The following SLC13A3 variants were observed in gnomAD, a reference collection of about 807,000 sequenced individuals.
SLC13A3 encodes the protein Na(+)/dicarboxylate cotransporter 3.
In SLC13A3, 40 loss-of-function variants were observed where a neutral mutation model predicts 59.0. The ratio of observed to expected loss-of-function variants is 0.68; its 90% CI spans 0.53 to 0.88. SLC13A3 has a LOEUF of 0.88. Ranked by LOEUF, SLC13A3 falls within the 40% of genes least tolerant of loss-of-function variation. The pLI is 0.00. For synonymous variants in SLC13A3, 317 were observed against 330.3 expected, an observed-to-expected ratio of 0.96 and a Z score of 0.44; for missense variants, 699 against 783.2, an observed-to-expected ratio of 0.89 and a Z score of 1.28.
chr20:46,632,990 C>G (rs1453422248), intron 1 of SLC13A3, among the ~76,000 whole-genome samples: 3 of 151,640 alleles, frequency 2.0e-5, no homozygotes, highest in Non-Finnish European at 2.9e-5. Context: ...TATCATCTAT[C>G]TATCTATCAT....
At chr20:46,572,877 C>T (rs2062042501) in intron 10 of SLC13A3, among the ~76,000 whole-genome samples, 2 of 152,126 alleles carry the variant, frequency 1.3e-5, no homozygotes, top group Admixed American at 6.5e-5. Context: ...CTGGTTCCAT[C>T]GTACTGCAAG....
chr20:46,611,591 T>G (rs529190549), intron 2 of SLC13A3, among the ~76,000 whole-genome samples: 10 of 152,310 alleles, frequency 6.6e-5, no homozygotes, highest in African/African-American at 2.2e-4. Context: ...GAACCTTCTT[T>G]TCCTACGCCC....
At chr20:46,643,687 A>C (rs1029097327) in intron 1 of SLC13A3, among the ~76,000 whole-genome samples, 1 of 152,020 alleles carries the variant, frequency 6.6e-6, no homozygotes, top group African/African-American at 2.4e-5. Context: ...TTGACCTCTG[A>C]CCCCCCTCAC....
chr20:46,574,957 A>AC (rs1251334413), intron 10 of SLC13A3, among the ~76,000 whole-genome samples: 1 of 149,260 alleles, frequency 6.7e-6, no homozygotes, highest in African/African-American at 2.5e-5. Flanking sequence ...AATTTTTTTA[A>AC]CCCCATCTCT....
At chr20:46,657,472 T>G (rs561759073) in intron 1 of SLC13A3, among the ~76,000 whole-genome samples, 1 of 152,302 alleles carries the variant, frequency 6.6e-6, no homozygotes, top group East Asian at 1.9e-4. Flanking sequence ...TTACGAGATT[T>G]TGGCTCTTAT....
rs6011986 is a variant in SLC13A3, at chr20:46,563,615, G to A, written c.1495-64C>T. ...CAACGCAGAGCGACCACAGCAAGAGGGAGAGAGAGAGAGAGAGGCAGTTGG... is the reference window on the plus strand; with the variant it reads ...CAACGCAGAGCGACCACAGCAAGAGAGAGAGAGAGAGAGAGAGGCAGTTGG... On this transcript the variant is annotated intron_variant, in intron 11 of 12. Transcript: ENST00000279027. The A allele has an allele frequency of 9.7e-3, 13,834 of 1,422,376 alleles. 670 individuals carry two copies. The highest frequency in any genetic ancestry group is 0.019 in the African/African-American group (1,327 of 68,768). 88.1% of individuals were successfully genotyped at this position (1,422,376 alleles called of 1,614,324 possible).
chr20:46,616,018 T>C (rs924872228), intron 1 of SLC13A3, among the ~76,000 whole-genome samples: 2 of 152,188 alleles, frequency 1.3e-5, no homozygotes, highest in African/African-American at 4.8e-5. Context: ...CAACTTGGAA[T>C]GAATATCCCA....
chr20:46,579,118 T>A (rs1378734622), intron 9 of SLC13A3, among the ~76,000 whole-genome samples: 4 of 152,044 alleles, frequency 2.6e-5, no homozygotes, highest in African/African-American at 9.7e-5. Flanking sequence ...TTTGTCTCTT[T>A]GTCTCTCTCT....
At chr20:46,587,663 A>G (rs1322267230) in intron 8 of SLC13A3, among the ~76,000 whole-genome samples, 1 of 152,128 alleles carries the variant, frequency 6.6e-6, no homozygotes, top group Non-Finnish European at 1.5e-5. Flanking sequence ...CATAGCACTC[A>G]TTGCAATGCA....
chr20:46,579,573 G>A (rs958191975), intron 9 of SLC13A3, among the ~76,000 whole-genome samples: 2 of 152,192 alleles, frequency 1.3e-5, no homozygotes, highest in African/African-American at 2.4e-5. Flanking sequence ...GGTCACTGGT[G>A]GCCAAAGGAC....
In SLC13A3 at chr20:46,682,900, T is replaced by A. The variant is rs146098980; in HGVS notation, c.-31+1496A>T. On this transcript the variant is annotated intron_variant, in intron 1 of 6. Transcript: ENST00000372121. ...CGGTGGACGTCAAGGGATCTGAAAGTGCAGAGGGTTCCTTAGCCCTTTGTG... is the reference window on the plus strand; with the variant it reads ...CGGTGGACGTCAAGGGATCTGAAAGAGCAGAGGGTTCCTTAGCCCTTTGTG... Among the ~76,000 whole-genome samples, 5 of 152,288 alleles carry A rather than the reference T, an allele frequency of 3.3e-5. No individual in the cohort carries two copies. In the East Asian group the frequency reaches 9.7e-4, roughly 29 times the overall value.
At chr20:46,632,974 T>G (rs114635361) in intron 1 of SLC13A3, among the ~76,000 whole-genome samples, 2,082 of 152,030 alleles carry the variant, frequency 0.014, 53 homozygotes, top group African/African-American at 0.048. Flanking sequence ...TATCTGTTTA[T>G]GTATCTATCA....
At chr20:46,638,483 C>T (rs2062816065) in intron 1 of SLC13A3, among the ~76,000 whole-genome samples, 2 of 152,188 alleles carry the variant, frequency 1.3e-5, no homozygotes, top group African/African-American at 2.4e-5. Flanking sequence ...AAGGGAAAGG[C>T]GGCTGTCCTG....
chr20:46,628,899 T>G (rs1385884640), intron 1 of SLC13A3, among the ~76,000 whole-genome samples: 1 of 152,172 alleles, frequency 6.6e-6, no homozygotes, highest in Non-Finnish European at 1.5e-5. Flanking sequence ...CCAGGAAGCC[T>G]GGGGATAGGT....
chr20:46,568,480 A>G (rs985668082), intron 10 of SLC13A3, among the ~76,000 whole-genome samples: 1 of 152,016 alleles, frequency 6.6e-6, no homozygotes, highest in African/African-American at 2.4e-5. Flanking sequence ...TTGCCCCTAC[A>G]ATTTGACTTA....
intron 1 of SLC13A3, among the ~76,000 whole-genome samples, chr20:46,640,576 G>T (rs190568954): frequency 6.6e-6 from 1 of 152,170 alleles, no homozygotes; most frequent in Admixed American, 6.5e-5. Context: ...AGCACCTACT[G>T]CGTGTCAGCA....
At chr20:46,592,379 T>C (rs1208138577) in intron 6 of SLC13A3, 25 bp downstream of exon 6, 2 of 1,612,914 alleles carry the variant, frequency 1.2e-6, no homozygotes, top group Non-Finnish European at 1.7e-6. Flanking sequence ...CCCCACTCTA[T>C]TGCCAAAAAG....
chr20:46,629,491 A>T (rs1447298554), intron 1 of SLC13A3, among the ~76,000 whole-genome samples: 4 of 152,082 alleles, frequency 2.6e-5, no homozygotes, highest in Non-Finnish European at 2.9e-5. Context: ...ATTGTTTTCC[A>T]TTTTATTTTT....
At chr20:46,679,820 A>G (rs1468365010) in intron 1 of SLC13A3, among the ~76,000 whole-genome samples, 14 of 151,618 alleles carry the variant, frequency 9.2e-5, no homozygotes. Context: ...AGGTGGGAGA[A>G]TTGCTTGAAC....
Sources: gnomAD v4.1 joint callset for allele counts (sites outside exome capture counted in the v4.1 genomes callset) on GRCh38, gnomAD v4.1.1 for gene constraint, MANE v1.5 for transcripts, NCBI Gene and HGNC (gene_info 2026-07-23, HGNC 2026-07-21) for gene names.